Variants in DNAH9 observed in about 807,000 individuals in gnomAD.
DNAH9 encodes the protein DNAH9 variant protein.
DNAH9 carries 345 observed loss-of-function variants against 471.6 expected under a neutral mutation model. The observed-to-expected ratio is 0.73, with a 90% confidence interval of 0.67 to 0.80. The LOEUF is 0.80. Among genes scored for constraint, DNAH9 ranks in the 30% least tolerant of loss-of-function variants. DNAH9 has a pLI of 0.00. For synonymous variants in DNAH9, 2,093 were observed against 2,123.6 expected, an observed-to-expected ratio of 0.99 and a Z score of 0.40; for missense variants, 5,407 against 5,609.2, an observed-to-expected ratio of 0.96 and a Z score of 1.15.
Position 11,920,738 on chromosome 17 carries a change from C to T in DNAH9, c.11750-3076C>T, listed in dbSNP as rs879256843. 1.3e-5 allele frequency among the ~76,000 whole-genome samples: 2 copies of T among 151,896 alleles called. 1 individual carries two copies. Among genetic ancestry groups the T allele is most frequent in the Admixed American group, 1.3e-4 (2 of 15,246 alleles). The stretch of plus-strand genomic sequence containing the variant: ...ACCAAGATGATGATGAAACAGGAAC[C>T]AAGTTCCAAAGCCCCTAATACAAAT... On this transcript the variant is annotated intron_variant, in intron 61 of 68. Transcript: ENST00000262442.
chr17:11,639,220 C>T (rs2073220185), intron 9 of DNAH9, among the ~76,000 whole-genome samples: 1 of 152,004 alleles, frequency 6.6e-6, no homozygotes, highest in Admixed American at 6.6e-5. Context: ...TAGAGTTTTG[C>T]CTATCATGGA....
chr17:11,791,680 C>T (rs1175986282), intron 41 of DNAH9, among the ~76,000 whole-genome samples: 2 of 152,022 alleles, frequency 1.3e-5, no homozygotes, highest in African/African-American at 4.8e-5. Context: ...CACTGCACTC[C>T]AGTCTGGGTG....
At chr17:11,851,833 A>G (rs1597733792) in intron 49 of DNAH9, among the ~76,000 whole-genome samples, 1 of 120,416 alleles carries the variant, frequency 8.3e-6, no homozygotes. Flanking sequence ...ATTTATAGAT[A>G]TATATGAATA....
chr17:11,648,894 G>A (rs2073444933), intron 12 of DNAH9, among the ~76,000 whole-genome samples: 1 of 152,112 alleles, frequency 6.6e-6, no homozygotes. Flanking sequence ...GGGAGGCTGA[G>A]GTGAGTGGAT....
intron 67 of DNAH9, among the ~76,000 whole-genome samples, chr17:11,957,632 A>ACAACAG (rs560072911): frequency 2.2e-4 from 34 of 151,820 alleles, no homozygotes; most frequent in Admixed American, 2.0e-3. Flanking sequence ...AACAACAACA[A>ACAACAG]CAAAACTGTT....
chr17:11,869,383 A>C, intron 51 of DNAH9, 130 bp downstream of exon 51: 1 of 1,317,434 alleles, frequency 7.6e-7, no homozygotes, highest in South Asian at 1.6e-5. Context: ...AATGTGCTGA[A>C]ATGCAGGAAT....
intron 49 of DNAH9, among the ~76,000 whole-genome samples, chr17:11,845,163 A>T (rs1457182059): frequency 8.1e-5 from 4 of 49,106 alleles, no homozygotes; most frequent in East Asian, 8.4e-4. Flanking sequence ...CCCTCCCCCG[A>T]CCCCACAACA....
At chr17:11,901,639 T>C (rs1973420008) in intron 59 of DNAH9, among the ~76,000 whole-genome samples, 1 of 152,144 alleles carries the variant, frequency 6.6e-6, no homozygotes, top group African/African-American at 2.4e-5. Flanking sequence ...GAGGTTGCAG[T>C]GAGCCAAGAT....
chr17:11,629,244 C>G, intron 6 of DNAH9, among the ~76,000 whole-genome samples, 173 bp from the exon 7 acceptor site: 1 of 151,880 alleles, frequency 6.6e-6, no homozygotes, highest in East Asian at 1.9e-4. Flanking sequence ...GCTATCCCTC[C>G]CCCATCCCCC....
intron 59 of DNAH9, among the ~76,000 whole-genome samples, chr17:11,900,218 C>T (rs1973361410): frequency 6.6e-6 from 1 of 152,080 alleles, no homozygotes; most frequent in South Asian, 2.1e-4. Context: ...ACACACCACT[C>T]CACACGACTT....
chr17:11,839,670 A>G (rs1029103219), intron 49 of DNAH9, among the ~76,000 whole-genome samples: 4 of 152,186 alleles, frequency 2.6e-5, no homozygotes, highest in African/African-American at 9.7e-5. Flanking sequence ...CTACACATTT[A>G]TGTTTGTATT....
chr17:11,889,104 C>A (rs1301894458), intron 57 of DNAH9, among the ~76,000 whole-genome samples: 1 of 152,212 alleles, frequency 6.6e-6, no homozygotes, highest in Non-Finnish European at 1.5e-5. Flanking sequence ...TAATAAGACA[C>A]ATTCACAGGG....
intron 33 of DNAH9, among the ~76,000 whole-genome samples, chr17:11,753,482 T>C (rs1967242970): frequency 6.6e-6 from 1 of 152,094 alleles, no homozygotes; most frequent in African/African-American, 2.4e-5. Flanking sequence ...CTGGCCAACA[T>C]GGTGAAACCC....
intron 58 of DNAH9, among the ~76,000 whole-genome samples, chr17:11,893,369 G>A (rs1295130324): frequency 1.3e-5 from 2 of 151,972 alleles, no homozygotes; most frequent in African/African-American, 4.8e-5. Context: ...TCTCCAAGAC[G>A]CAATCCAAAA....
Position 11,862,324 on chromosome 17 carries a change from AG to A in DNAH9, c.9934-6809del, listed in dbSNP as rs1341130733. 5.0e-5 allele frequency among the ~76,000 whole-genome samples: 6 copies of A among 121,074 alleles called. No homozygotes were observed. In the East Asian group the frequency reaches 6.3e-4, roughly 13 times the overall value. The allele number at this position is 121,074 out of a possible 152,430, so 79.4% of individuals were successfully genotyped here. ...TTCTCAGGTTTGTCAAAGATCAGATAGTTGTAGATATGCGGCGTTATTTCTG... is the reference window on the plus strand; with the variant it reads ...TTCTCAGGTTTGTCAAAGATCAGATATTGTAGATATGCGGCGTTATTTCTG... On this transcript the variant is annotated intron_variant, in intron 50 of 68. Transcript: ENST00000262442.
chr17:11,811,991 A>C (rs1038117533), intron 45 of DNAH9, among the ~76,000 whole-genome samples: 1 of 6,670 alleles, frequency 1.5e-4, no homozygotes, highest in Non-Finnish European at 2.7e-4. Flanking sequence ...CTCTGTCTCA[A>C]AAAAAAAAAA....
chr17:11,690,811 G>C (rs910857877), intron 20 of DNAH9, among the ~76,000 whole-genome samples: 2 of 152,098 alleles, frequency 1.3e-5, no homozygotes, highest in African/African-American at 4.8e-5. Flanking sequence ...AGCGAGTCTC[G>C]TTTCCAGGCA....
intron 50 of DNAH9, among the ~76,000 whole-genome samples, chr17:11,865,090 G>T (rs376920066): frequency 6.6e-6 from 1 of 152,078 alleles, no homozygotes; most frequent in Admixed American, 6.6e-5. Flanking sequence ...TATTTTGCTC[G>T]TTAGTTGATG....
intron 14 of DNAH9, among the ~76,000 whole-genome samples, chr17:11,661,682 C>G (rs2073766430): frequency 6.6e-6 from 1 of 152,006 alleles, no homozygotes; most frequent in Non-Finnish European, 1.5e-5. Context: ...AGAAACCTTG[C>G]AAAAGTGTGG....
Sources: allele counts gnomAD v4.1 joint callset (sites outside exome capture counted in the v4.1 genomes callset), GRCh38; gene constraint gnomAD v4.1.1; transcripts MANE v1.5; gene names NCBI Gene and HGNC (gene_info 2026-07-23, HGNC 2026-07-21).